The following A4GALT variants were observed in gnomAD, a reference collection of about 807,000 sequenced individuals.
The protein encoded by A4GALT is alpha 1,4-galactosyltransferase (P1PK blood group).
For synonymous variants in A4GALT, 257 were observed against 220.7 expected (o/e 1.16, Z -1.46); for missense variants, 512 against 486.0 (o/e 1.05, Z -0.50).
intron 1 of A4GALT, among the ~76,000 whole-genome samples, chr22:42,705,863 G>C (rs1401562569): frequency 8.3e-6 from 1 of 120,650 alleles, no homozygotes; most frequent in African/African-American, 2.7e-5. Context: ...ATTACAGCCC[G>C]ACCAATATGG....
At chr22:42,697,380 T>C (rs1430116854) in intron 1 of A4GALT, among the ~76,000 whole-genome samples, 2 of 152,120 alleles carry the variant, frequency 1.3e-5, no homozygotes, top group Non-Finnish European at 2.9e-5. Context: ...CCCCTGCCCC[T>C]GTCTTTCTTC....
At chr22:42,717,005 G>A (rs1352776705) in intron 1 of A4GALT, among the ~76,000 whole-genome samples, 1 of 152,220 alleles carries the variant, frequency 6.6e-6, no homozygotes. Flanking sequence ...TGGTGCTCCT[G>A]CTGGAGTAGG....
At chr22:42,702,194 A>G (rs1172597016) in intron 1 of A4GALT, among the ~76,000 whole-genome samples, 4 of 151,654 alleles carry the variant, frequency 2.6e-5, no homozygotes, top group South Asian at 2.1e-4. Context: ...CCACAACATC[A>G]TATCAGGGGT....
chr22:42,703,085 GAGAGAGAGCA>G (rs1331715625), intron 1 of A4GALT, among the ~76,000 whole-genome samples: 3 of 132,122 alleles, frequency 2.3e-5, no homozygotes, highest in African/African-American at 1.1e-4. Flanking sequence ...GTGTGTGTGT[GAGAGAGAGCA>G]TGCTGCCCCA....
chr22:42,696,067 G>A (rs1930903299), intron 1 of A4GALT, among the ~76,000 whole-genome samples: 2 of 137,998 alleles, frequency 1.4e-5, no homozygotes, highest in Non-Finnish European at 3.0e-5. Flanking sequence ...AGGTTGCAGT[G>A]AGCCAAGTTG....
At chr22:42,711,376 G>A (rs1232941105) in intron 1 of A4GALT, among the ~76,000 whole-genome samples, 2 of 152,196 alleles carry the variant, frequency 1.3e-5, no homozygotes, top group Admixed American at 6.5e-5. Flanking sequence ...GTGCTCAGCC[G>A]CAATTTAACA....
chr22:42,714,270 G>T, intron 1 of A4GALT, among the ~76,000 whole-genome samples: 1 of 46,894 alleles, frequency 2.1e-5, no homozygotes, highest in Non-Finnish European at 3.9e-5. Context: ...GCAAGACTCT[G>T]TCTCAAAAAA....
chr22:42,701,279 T>C (rs6002912), intron 1 of A4GALT, among the ~76,000 whole-genome samples: 3,085 of 152,248 alleles, frequency 0.02, 112 homozygotes, highest in African/African-American at 0.071. Flanking sequence ...TCTGAACCTG[T>C]CTGTGGACAG....
intron 1 of A4GALT, among the ~76,000 whole-genome samples, chr22:42,709,066 TA>T (rs200911076): frequency 0.013 from 1,419 of 110,442 alleles, 15 homozygotes; most frequent in African/African-American, 0.027. Flanking sequence ...TATATATATA[TA>T]TTTTTTTTAA....
chr22:42,703,273 T>TTTTTTTTTA (rs1920939230), intron 1 of A4GALT, among the ~76,000 whole-genome samples: 1 of 146,318 alleles, frequency 6.8e-6, no homozygotes, highest in African/African-American at 2.7e-5. Context: ...TTTTTTTTTT[T>TTTTTTTTTA]GAGACAGAGT....
chr22:42,720,881 C>G (rs1187179238), upstream of A4GALT: 1 of 146,066 alleles, frequency 6.8e-6, no homozygotes, highest in African/African-American at 2.5e-5. Context: ...GCCTGGGGCC[C>G]GGCGGGAGGC....
Position 42,693,157 on chromosome 22 carries a change from G to A in A4GALT, c.795C>T (p.Arg265=), listed in dbSNP as rs760700372. Residue 265 remains arginine (R), a synonymous_variant, in exon 3 of 3, where the codon CGC becomes CGT. Transcript: ENST00000642412. ...GGCAGGCGCGGCTCTCGGCCAGGCT[G>A]CGGATGGAACACCACTTCTTGAAGA... The part of the protein sequence containing the change: ...TRVFKKWCSI[R]SLAESRACRG... 26 of 1,598,056 alleles carry A rather than the reference G, an allele frequency of 1.6e-5. 1 individual carries two copies. In the East Asian group the frequency reaches 5.7e-4, roughly 35 times the overall value.
intron 1 of A4GALT, among the ~76,000 whole-genome samples, chr22:42,717,522 G>A (rs1211360044): frequency 6.6e-6 from 1 of 152,086 alleles, no homozygotes; most frequent in Non-Finnish European, 1.5e-5. Context: ...ACCAGCCCGG[G>A]AGGATCCTTG....
At chr22:42,703,575 A>T (rs774081227) in intron 1 of A4GALT, among the ~76,000 whole-genome samples, 1 of 152,026 alleles carries the variant, frequency 6.6e-6, no homozygotes. Flanking sequence ...GTGTTTTGCA[A>T]ACTCTGAAAG....
intron 1 of A4GALT, among the ~76,000 whole-genome samples, chr22:42,716,768 G>T (rs774372881): frequency 3.3e-5 from 5 of 152,196 alleles, no homozygotes; most frequent in Non-Finnish European, 4.4e-5. Flanking sequence ...GTCTGGTAAG[G>T]TCAGGTAACA....
rs756992490 is a variant in A4GALT, at chr22:42,693,952, G to A, written c.-1C>T. On this transcript the variant is annotated 5_prime_UTR_variant, in exon 3 of 3. Coordinates refer to ENST00000642412, the MANE Select transcript of A4GALT (RefSeq NM_017436.7). ...GCAGGAGGTCGGGGGGCTTGGACAT[G>A]GTATCCCCAGATCAGACCAGGAGCT... 1.3e-6 allele frequency: 2 copies of A among 1,575,874 alleles called. No homozygotes were observed. The highest frequency in any genetic ancestry group is 2.3e-5 in the East Asian group (1 of 43,264).
intron 2 of A4GALT, chr22:42,695,260 G>A (rs765817711): frequency 3.9e-5 from 6 of 152,194 alleles, no homozygotes; most frequent in Non-Finnish European, 5.9e-5. Flanking sequence ...CAGTTGCATC[G>A]TTTCTACTTT....
intron 1 of A4GALT, among the ~76,000 whole-genome samples, chr22:42,704,116 G>A (rs924882515): frequency 6.6e-6 from 1 of 152,100 alleles, no homozygotes; most frequent in Non-Finnish European, 1.5e-5. Flanking sequence ...ATCTTTCAAG[G>A]CACAAATAAA....
intron 1 of A4GALT, among the ~76,000 whole-genome samples, chr22:42,697,777 C>T (rs967788121): frequency 1.3e-5 from 2 of 151,982 alleles, no homozygotes; most frequent in Non-Finnish European, 2.9e-5. Flanking sequence ...GTCAGCTGGG[C>T]CTGGCACACC....
Sources: gnomAD v4.1 joint callset for allele counts (sites outside exome capture counted in the v4.1 genomes callset) on GRCh38, gnomAD v4.1.1 for gene constraint, MANE v1.5 for transcripts, NCBI Gene and HGNC (gene_info 2026-07-23, HGNC 2026-07-21) for gene names.